The following NTRK2 variants were observed in gnomAD, a reference collection of about 807,000 sequenced individuals.
NTRK2 encodes BDNF/NT-3 growth factors receptor.
In NTRK2, 13 loss-of-function variants were observed where a neutral mutation model predicts 94.5. That is an observed-to-expected ratio of 0.14 (90% confidence interval 0.09 to 0.22). NTRK2 has a LOEUF of 0.22. Ranked by LOEUF, NTRK2 falls within the 10% of genes least tolerant of loss-of-function variation. NTRK2 has a pLI of 1.00. For missense variants in NTRK2, 639 were observed against 1,071.2 expected (o/e 0.60, Z 5.63); for synonymous variants, 372 against 407.4 (o/e 0.91, Z 1.05).
At chr9:84,968,457 T>A (rs1175718899) in intron 17 of NTRK2, among the ~76,000 whole-genome samples, 1 of 152,214 alleles carries the variant, frequency 6.6e-6, no homozygotes, top group Non-Finnish European at 1.5e-5. Context: ...GAACCATGGC[T>A]TTTTAGATTG....
chr9:84,971,086 T>G (rs537742204), intron 17 of NTRK2, among the ~76,000 whole-genome samples: 1 of 152,346 alleles, frequency 6.6e-6, no homozygotes. Flanking sequence ...TAGATTCATT[T>G]AAAACAGTTT....
intron 2 of NTRK2, 45 bp from the exon 3 acceptor site, chr9:84,702,114 G>A: frequency 1.9e-6 from 3 of 1,563,296 alleles, no homozygotes; most frequent in Non-Finnish European, 2.6e-6. Flanking sequence ...TGGTGCTGCT[G>A]CCTACATTCT....
chr9:85,003,925 A>T (rs12238351), intron 17 of NTRK2, among the ~76,000 whole-genome samples: 125,755 of 144,786 alleles, frequency 0.87, 54,974 homozygotes, highest in African/African-American at 0.96. Flanking sequence ...ACTTCTCGGG[A>T]TTTATCTTGA....
At chr9:84,777,763 AAC>A (rs1195822968) in intron 12 of NTRK2, among the ~76,000 whole-genome samples, 17 of 152,184 alleles carry the variant, frequency 1.1e-4, no homozygotes, top group Admixed American at 9.2e-4. Context: ...GCCATTGCAA[AAC>A]AGTCATAATT....
intron 12 of NTRK2, among the ~76,000 whole-genome samples, chr9:84,798,348 C>T (rs1011528268): frequency 1.3e-5 from 2 of 152,174 alleles, no homozygotes; most frequent in African/African-American, 4.8e-5. Flanking sequence ...GGAGGACACA[C>T]ACATTCAGAC....
At chr9:84,784,261 G>A (rs2067904148) in intron 12 of NTRK2, among the ~76,000 whole-genome samples, 1 of 152,144 alleles carries the variant, frequency 6.6e-6, no homozygotes, top group Non-Finnish European at 1.5e-5. Context: ...ACATAGTGAT[G>A]CGTGATACAA....
intron 12 of NTRK2, among the ~76,000 whole-genome samples, chr9:84,787,450 G>A (rs1353153559): frequency 6.6e-6 from 1 of 152,118 alleles, no homozygotes; most frequent in Non-Finnish European, 1.5e-5. Flanking sequence ...GTTAATCACT[G>A]GCTCTTTATT....
At chr9:85,019,001 C>A (rs1018723093) in intron 17 of NTRK2, among the ~76,000 whole-genome samples, 1 of 152,106 alleles carries the variant, frequency 6.6e-6, no homozygotes, top group Non-Finnish European at 1.5e-5. Flanking sequence ...AATAAAATAT[C>A]CTCCCCCTTT....
intron 2 of NTRK2, among the ~76,000 whole-genome samples, chr9:84,681,876 G>A (rs2059413124): frequency 6.6e-6 from 1 of 152,148 alleles, no homozygotes; most frequent in Admixed American, 6.5e-5. Context: ...ATATAAAGAG[G>A]CATATAACTA....
At chr9:84,902,235 C>T (rs1394878006) in intron 14 of NTRK2, among the ~76,000 whole-genome samples, 1 of 151,638 alleles carries the variant, frequency 6.6e-6, no homozygotes, top group Non-Finnish European at 1.5e-5. Context: ...AAAAGACTGC[C>T]ATCAATACTA....
In NTRK2 at chr9:84,708,867, AG is replaced by A. The variant is rs1745546278; in HGVS notation, c.428+956del. On this transcript the variant is annotated intron_variant, in intron 5 of 18. Transcript: ENST00000277120. ...GAATAAAGTGAATTCAGGACGTTGA[AG>A]CACTAATGCTTCTAACACAGGAATA... Among the ~76,000 whole-genome samples, 7 of 152,366 alleles carry A rather than the reference AG, an allele frequency of 4.6e-5. No individual in the cohort carries two copies. The South Asian group carries it at 1.4e-3, about 32-fold the overall frequency.
chr9:84,899,934 C>T (rs1428104376), intron 14 of NTRK2, among the ~76,000 whole-genome samples: 1 of 152,166 alleles, frequency 6.6e-6, no homozygotes, highest in African/African-American at 2.4e-5. Flanking sequence ...AAAATTCCTG[C>T]CCTACCCAAG....
intron 14 of NTRK2, among the ~76,000 whole-genome samples, chr9:84,932,326 CT>C (rs755847582): frequency 3.9e-5 from 6 of 152,178 alleles, no homozygotes; most frequent in Non-Finnish European, 7.3e-5. Context: ...AGAATTCGTA[CT>C]GTATAACTCC....
In NTRK2 at chr9:84,724,257, A is replaced by G; in HGVS notation, c.754A>G (p.Ile252Val). The G allele has an allele frequency of 1.9e-6, 3 of 1,614,166 alleles. No individual in the cohort carries two copies. Among genetic ancestry groups the G allele is most frequent in the Non-Finnish European group, 2.5e-6 (3 of 1,179,998 alleles). ...AAGCCACACACAGGGCTCCTTAAGG[A>G]TAACTAACATTTCATCCGATGACAG... ...ETSHTQGSLR[I>V]TNISSDDSGK... The change falls in exon 8 of 19, where the codon ATA becomes GTA. Residue 252 changes from isoleucine (I) to valine (V), a missense_variant. This residue lies in a region of NTRK2 where 343 missense variants were observed against 571.5 expected (regional missense o/e 0.60). Transcript: ENST00000277120.
At chr9:84,803,915 T>C (rs187961237) in intron 12 of NTRK2, among the ~76,000 whole-genome samples, 2 of 152,332 alleles carry the variant, frequency 1.3e-5, no homozygotes, top group Non-Finnish European at 2.9e-5. Context: ...GGTAATTTGT[T>C]TGACCCTCTT....
chr9:84,811,924 A>G, intron 12 of NTRK2: 1 of 358,152 alleles, frequency 2.8e-6, no homozygotes, highest in Non-Finnish European at 3.3e-6. Flanking sequence ...ACCCCACCCC[A>G]CCCTGTTCCT....
At chr9:84,877,458 C>G in intron 14 of NTRK2, 2 of 1,066,008 alleles carry the variant, frequency 1.9e-6, no homozygotes, top group Non-Finnish European at 2.3e-6. Context: ...CAAGGAAACC[C>G]TGCTGGCTAA....
In NTRK2 at chr9:85,021,423, GACATT is replaced by G; in HGVS notation, c.2504_2508del (p.Asp835AlafsTer23). ...GGCCAAGGCATCTCCGGTCTACCTG[GACATT>G]CTAGGCTAGGGCCCTTTTCCCCAGA... On this transcript the variant is annotated frameshift_variant, in exon 19 of 19. Transcript: ENST00000277120. LOFTEE classifies it high-confidence loss of function. 6.2e-7 allele frequency: 1 copy of G among 1,614,132 alleles called. No homozygotes were observed. The highest frequency in any genetic ancestry group is 8.5e-7 in the Non-Finnish European group (1 of 1,180,014).
intron 12 of NTRK2, among the ~76,000 whole-genome samples, chr9:84,798,912 CTATATATA>C (rs57167822): frequency 2.8e-4 from 36 of 128,038 alleles, no homozygotes; most frequent in African/African-American, 6.9e-4. Flanking sequence ...CTTCTAAGTG[CTATATATA>C]TATATATATA....
Sources: gnomAD v4.1 joint callset for allele counts (sites outside exome capture counted in the v4.1 genomes callset) on GRCh38, gnomAD v4.1.1 for gene constraint, gnomAD v4.1.1 regional missense constraint, MANE v1.5 for transcripts, NCBI Gene and HGNC (gene_info 2026-07-23, HGNC 2026-07-21) for gene names.